MAMDC2: variants seen among roughly 807,000 people sequenced by gnomAD.
MAMDC2 encodes the protein MAM domain-containing protein 2.
A neutral mutation model predicts 89.8 loss-of-function variants in MAMDC2; 57 were observed. That is an observed-to-expected ratio of 0.63 (90% CI 0.51 to 0.79). The LOEUF (loss-of-function observed/expected upper bound fraction) is 0.79. Ranked by LOEUF, MAMDC2 falls within the 30% of genes least tolerant of loss-of-function variation. The probability of loss-of-function intolerance (pLI) is 0.00; values close to 1 mark genes in which losing one functional copy is unlikely to be tolerated. For synonymous variants in MAMDC2, 313 were observed against 293.4 expected, an observed-to-expected ratio of 1.07 and a Z score of -0.68; for missense variants, 800 against 820.6, an observed-to-expected ratio of 0.97 and a Z score of 0.31.
intron 2 of MAMDC2, among the ~76,000 whole-genome samples, chr9:70,085,264 G>A (rs775153581): frequency 4.6e-5 from 7 of 152,144 alleles, no homozygotes; most frequent in South Asian, 2.1e-4. Context: ...CATAGACACC[G>A]TCCCTAGAGT....
At chr9:70,133,240 G>T (rs1000747683) in intron 7 of MAMDC2, among the ~76,000 whole-genome samples, 2 of 152,172 alleles carry the variant, frequency 1.3e-5, no homozygotes, top group Admixed American at 6.5e-5. Context: ...GCGCTGGGCA[G>T]AGGGTGGGTG....
chr9:70,093,905 C>T (rs1327225512), intron 2 of MAMDC2: 1 of 152,094 alleles, frequency 6.6e-6, no homozygotes. Context: ...AGTGAAGCTC[C>T]CTTTCCAAAT....
chr9:70,205,541 C>T (rs2033206973), intron 11 of MAMDC2, among the ~76,000 whole-genome samples: 1 of 152,140 alleles, frequency 6.6e-6, no homozygotes, highest in South Asian at 2.1e-4. Context: ...AAAAAGAGCC[C>T]TGAGACTGGA....
chr9:70,218,338 C>A lies in MAMDC2; in HGVS notation c.1653C>A (p.Gly551=). ...GPKGDHTTGV[G]YYMYIEASHM... is the part of the protein sequence containing the mutation. ...ACCTGCTTTTGCATTCACCTCAAGG[C>A]TACTACATGTACATTGAGGCCTCCC... Residue 551 remains glycine (G), a splice_region_variant and synonymous_variant, in exon 12 of 14, where the codon GGC becomes GGA. Coordinates refer to ENST00000377182, the MANE Select transcript of MAMDC2 (RefSeq NM_153267.5). 1 of 1,610,192 alleles carries A rather than the reference C, an allele frequency of 6.2e-7. No homozygotes were observed.
At chr9:70,225,690 C>A in intron 12 of MAMDC2, 60 bp from the exon 13 acceptor site, 1 of 1,111,588 alleles carries the variant, frequency 9.0e-7, no homozygotes, top group Non-Finnish European at 1.4e-6. Flanking sequence ...TGGATCTGCC[C>A]TGACCAGCAC....
intron 2 of MAMDC2, chr9:70,094,031 G>A (rs1827968382): frequency 6.6e-6 from 1 of 152,206 alleles, no homozygotes; most frequent in Admixed American, 6.5e-5. Context: ...TACACCCTAT[G>A]ACAGACCCTA....
chr9:70,107,655 T>G (rs555356220), intron 2 of MAMDC2, among the ~76,000 whole-genome samples: 26 of 152,198 alleles, frequency 1.7e-4, no homozygotes, highest in Non-Finnish European at 2.9e-4. Flanking sequence ...TCTGCCTAGG[T>G]CCCAAGATCC....
intron 5 of MAMDC2, among the ~76,000 whole-genome samples, chr9:70,122,764 AT>A (rs1395860720): frequency 6.6e-6 from 1 of 152,188 alleles, no homozygotes. Context: ...TATTTTATTT[AT>A]TTTTATTTTT....
At chr9:70,171,183 T>A (rs1587540602) in intron 11 of MAMDC2, 1 of 152,880 alleles carries the variant, frequency 6.5e-6, no homozygotes. Context: ...TATCAGCAAT[T>A]GTAAACATTG....
At chr9:70,151,703 C>A (rs1262999045) in intron 9 of MAMDC2, among the ~76,000 whole-genome samples, 2 of 152,134 alleles carry the variant, frequency 1.3e-5, no homozygotes, top group African/African-American at 2.4e-5. Flanking sequence ...TTCAAGCCTG[C>A]CTTGGGGTGT....
chr9:70,205,499 A>C (rs2033206310), intron 11 of MAMDC2, among the ~76,000 whole-genome samples: 2 of 152,052 alleles, frequency 1.3e-5, no homozygotes, highest in Admixed American at 1.3e-4. Flanking sequence ...CAGCCTCTCC[A>C]TGCAGGCCAC....
At chr9:70,196,953 T>TA (rs749324045) in intron 11 of MAMDC2, among the ~76,000 whole-genome samples, 16 of 151,462 alleles carry the variant, frequency 1.1e-4, no homozygotes, top group Admixed American at 2.6e-4. Flanking sequence ...ATCCCAGAAA[T>TA]AAAAAAAAAT....
chr9:70,166,414 C>T (rs189071900), intron 9 of MAMDC2, among the ~76,000 whole-genome samples: 174 of 151,854 alleles, frequency 1.1e-3, no homozygotes, highest in Middle Eastern at 3.4e-3. Context: ...TTTTATGAGT[C>T]TAACATAATT....
chr9:70,048,453 C>A (rs973833472), intron 2 of MAMDC2, among the ~76,000 whole-genome samples: 4 of 152,082 alleles, frequency 2.6e-5, no homozygotes, highest in African/African-American at 9.7e-5. Context: ...CATGTGCTAC[C>A]ACCCCAGGCT....
chr9:70,097,430 T>C (rs1204623986), intron 2 of MAMDC2, among the ~76,000 whole-genome samples: 7 of 152,210 alleles, frequency 4.6e-5, no homozygotes, highest in Non-Finnish European at 1.0e-4. Context: ...AAATTCAATT[T>C]CCACATCAGG....
intron 1 of MAMDC2, 152 bp downstream of exon 1, chr9:70,044,383 G>A (rs551360962): frequency 5.8e-6 from 5 of 865,042 alleles, no homozygotes; most frequent in East Asian, 5.8e-5. Flanking sequence ...CCCTGGCCAA[G>A]CCTGGGGTGG....
In MAMDC2 at chr9:70,044,201, C is replaced by T. The variant is rs150671682; in HGVS notation, c.4C>T (p.Leu2=). The T allele has an allele frequency of 3.6e-4, 575 of 1,613,694 alleles. No individual in the cohort carries two copies. The African/African-American group carries it at 7.1e-3, about 20-fold the overall frequency. Reference sequence around the variant, plus strand: ...TCATCCTCCCTGAAACGCGACCATGCTGTTAAGGGGCGTCCTCCTGGCGTT... The same window carrying T: ...TCATCCTCCCTGAAACGCGACCATGTTGTTAAGGGGCGTCCTCCTGGCGTT... M[L]LRGVLLALQA... Residue 2 remains leucine, a synonymous_variant, in exon 1 of 14, where the codon CTG becomes TTG. Coordinates refer to ENST00000377182, the MANE Select transcript of MAMDC2 (RefSeq NM_153267.5).
At chr9:70,199,330 T>A (rs1406598317) in intron 11 of MAMDC2, among the ~76,000 whole-genome samples, 1 of 147,506 alleles carries the variant, frequency 6.8e-6, no homozygotes, top group African/African-American at 2.5e-5. Flanking sequence ...GATAGTTTAC[T>A]GAGAATGATG....
At chr9:70,053,973 T>C (rs1826970542) in intron 2 of MAMDC2, among the ~76,000 whole-genome samples, 1 of 152,098 alleles carries the variant, frequency 6.6e-6, no homozygotes, top group African/African-American at 2.4e-5. Context: ...TACTGATTGA[T>C]AGGAGTAATG....
Sources: allele counts gnomAD v4.1 joint callset (sites outside exome capture counted in the v4.1 genomes callset), GRCh38; gene constraint gnomAD v4.1.1; transcripts MANE v1.5; gene names NCBI Gene and HGNC (gene_info 2026-07-23, HGNC 2026-07-21).